KIF24: variants seen among roughly 807,000 people sequenced by gnomAD.
KIF24 encodes kinesin family member 24.
A neutral mutation model predicts 118.9 loss-of-function variants in KIF24; 81 were observed. That is an observed-to-expected ratio of 0.68 (90% CI 0.57 to 0.82). The LOEUF (loss-of-function observed/expected upper bound fraction) is 0.82. Among genes scored for constraint, KIF24 ranks in the 40% least tolerant of loss-of-function variants. The pLI is 0.00. For synonymous variants in KIF24, 599 were observed against 610.0 expected (o/e 0.98, Z 0.27); for missense variants, 1,560 against 1,661.6 (o/e 0.94, Z 1.06).
intron 1 of KIF24, among the ~76,000 whole-genome samples, chr9:34,322,120 C>T (rs536449772): frequency 8.7e-4 from 133 of 152,182 alleles, no homozygotes; most frequent in African/African-American, 3.0e-3. Flanking sequence ...CCAGTTCCTG[C>T]TTTTCCTGAA....
chr9:34,316,894 A>G (rs959404916), intron 1 of KIF24, among the ~76,000 whole-genome samples: 3 of 147,980 alleles, frequency 2.0e-5, no homozygotes, highest in Non-Finnish European at 3.0e-5. Context: ...GCCTGGTGAA[A>G]CCCCCCGTCT....
intron 3 of KIF24, 21 bp downstream of exon 3, chr9:34,306,231 C>T (rs769114575): frequency 5.9e-6 from 9 of 1,522,852 alleles, no homozygotes; most frequent in Non-Finnish European, 8.0e-6. Flanking sequence ...TAGTTCCAAA[C>T]ATAAAACGAA....
chr9:34,271,172 C>T (rs112700494), intron 7 of KIF24, among the ~76,000 whole-genome samples: 1 of 151,856 alleles, frequency 6.6e-6, no homozygotes, highest in South Asian at 2.1e-4. Context: ...TGGTACTGTC[C>T]ACTCAAACAT....
chr9:34,325,494 A>G (rs1837645967), intron 1 of KIF24, among the ~76,000 whole-genome samples: 1 of 152,052 alleles, frequency 6.6e-6, no homozygotes, highest in Non-Finnish European at 1.5e-5. Context: ...AAAGTTCGAG[A>G]CCAGCCTGGT....
intron 3 of KIF24, among the ~76,000 whole-genome samples, chr9:34,302,083 C>A (rs1178927990): frequency 1.3e-5 from 2 of 150,046 alleles, no homozygotes; most frequent in African/African-American, 2.5e-5. Flanking sequence ...CAAGCTCTGC[C>A]TCCTGGGTTC....
At chr9:34,300,863 A>G (rs1258182696) in intron 3 of KIF24, among the ~76,000 whole-genome samples, 17 of 151,208 alleles carry the variant, frequency 1.1e-4, no homozygotes, top group Admixed American at 1.3e-4. Flanking sequence ...AAAAAAAAAA[A>G]AAAAAAAAAA....
chr9:34,296,924 A>G (rs1260089895), intron 4 of KIF24, 93 bp downstream of exon 4: 1 of 602,924 alleles, frequency 1.7e-6, no homozygotes, highest in Non-Finnish European at 2.9e-6. Context: ...TTTAAGTCAA[A>G]AGTACTGAAA....
chr9:34,254,245 G>A lies in KIF24; in HGVS notation c.*135C>T, dbSNP rs1834726348. On this transcript the variant is annotated 3_prime_UTR_variant, in exon 13 of 13. Transcript: ENST00000402558. ...ACCTATCTGAAGCCACGTGGGGCTGGGGTGACGCTAGCATAGGCAGGACCA... is the reference window on the plus strand; with the variant it reads ...ACCTATCTGAAGCCACGTGGGGCTGAGGTGACGCTAGCATAGGCAGGACCA... 2.0e-6 allele frequency: 2 copies of A among 979,676 alleles called. No individual in the cohort carries two copies. Among genetic ancestry groups the A allele is most frequent in the East Asian group, 2.9e-5 (1 of 34,704 alleles). 60.7% of individuals were successfully genotyped at this position (979,676 alleles called of 1,614,324 possible).
At chr9:34,283,064 A>T (rs1835910119) in intron 6 of KIF24, among the ~76,000 whole-genome samples, 1 of 151,162 alleles carries the variant, frequency 6.6e-6, no homozygotes, top group African/African-American at 2.4e-5. Flanking sequence ...AAAAAAAAAA[A>T]AAAAAAAAAA....
chr9:34,318,327 C>G lies in KIF24; in HGVS notation c.-25-6956G>C, dbSNP rs1837395466. 1 of 581,706 alleles carries G rather than the reference C, an allele frequency of 1.7e-6. No homozygotes were observed. Among genetic ancestry groups the G allele is most frequent in the African/African-American group, 1.9e-5 (1 of 53,468 alleles). The allele number at this position is 581,706 out of a possible 1,614,324, so 36.0% of individuals were successfully genotyped here. A position where few individuals can be genotyped will look rare whatever the true frequency, so the allele number is the denominator to read the frequency against. On this transcript the variant is annotated intron_variant, in intron 1 of 12. Transcript: ENST00000402558. The surrounding 1 kb of genome is among the most constrained non-coding windows in gnomAD (Gnocchi z 4.9). ...GCGAGACTCCCGTCTTGGAGCCAGC[C>G]CAGCCCAACCCAGCCCAACCCAGCT...
intron 5 of KIF24, among the ~76,000 whole-genome samples, chr9:34,288,321 G>T (rs1836126646): frequency 6.6e-6 from 1 of 151,850 alleles, no homozygotes; most frequent in Non-Finnish European, 1.5e-5. Context: ...GAGACCCTGT[G>T]TCTACAAAAA....
chr9:34,294,929 T>G (rs1836404749), intron 4 of KIF24, among the ~76,000 whole-genome samples: 1 of 152,146 alleles, frequency 6.6e-6, no homozygotes, highest in Non-Finnish European at 1.5e-5. Context: ...TACAGATATT[T>G]GTTACTCACG....
At chr9:34,271,687 ACTCTGTATC>A in intron 7 of KIF24, 113 bp downstream of exon 7, 1 of 1,005,848 alleles carries the variant, frequency 9.9e-7, no homozygotes, top group Non-Finnish European at 1.5e-6. Flanking sequence ...TAACAACTCT[ACTCTGTATC>A]CCTGCAATGA....
chr9:34,298,273 A>G (rs1260466104), intron 3 of KIF24, among the ~76,000 whole-genome samples: 1 of 152,160 alleles, frequency 6.6e-6, no homozygotes, highest in African/African-American at 2.4e-5. Flanking sequence ...GGCCGGGCGC[A>G]GTGGCTCCAC....
intron 1 of KIF24, chr9:34,319,344 G>T: frequency 3.4e-6 from 3 of 877,854 alleles, no homozygotes; most frequent in South Asian, 2.7e-5. Flanking sequence ...AAGTTCCCAT[G>T]ACCTGCAGAA....
intron 1 of KIF24, chr9:34,319,277 T>A: frequency 9.0e-7 from 1 of 1,117,280 alleles, no homozygotes; most frequent in East Asian, 2.3e-5. Context: ...CAGCTGAAGA[T>A]CTGGATGGGG....
intron 1 of KIF24, among the ~76,000 whole-genome samples, chr9:34,317,472 A>G (rs1837366777): frequency 6.6e-6 from 1 of 152,150 alleles, no homozygotes; most frequent in Non-Finnish European, 1.5e-5. Flanking sequence ...CTGTCCTCCA[A>G]TTTAGCTTTC....
intron 6 of KIF24, among the ~76,000 whole-genome samples, chr9:34,277,664 CT>C (rs1835706174): frequency 6.6e-6 from 1 of 152,126 alleles, no homozygotes; most frequent in Non-Finnish European, 1.5e-5. Context: ...ATGCCCTTTC[CT>C]GGTTAAATAT....
At position 34,311,795 on chromosome 9, in the gene KIF24, C is replaced by CACACAT. The variant is rs1563961713; in HGVS notation, c.-25-425_-25-424insATGTGT. On this transcript the variant is annotated intron_variant, in intron 1 of 12. Transcript: ENST00000402558. ...ATATATACACATATATATACACACA[C>CACACAT]ATATATATATACACATAGATACACA... is the stretch of plus-strand genomic sequence containing the variant. Among the ~76,000 whole-genome samples, 14 of 128,070 alleles carry CACACAT rather than the reference C, an allele frequency of 1.1e-4. No homozygotes were observed. In the South Asian group the frequency reaches 2.6e-3, roughly 23 times the overall value. The allele number at this position is 128,070 out of a possible 152,430, so 84.0% of individuals were successfully genotyped here. A position where few individuals can be genotyped will look rare whatever the true frequency, so the allele number is the denominator to read the frequency against.
Sources: gnomAD v4.1 joint callset for allele counts (sites outside exome capture counted in the v4.1 genomes callset) on GRCh38, gnomAD v4.1.1 for gene constraint, Gnocchi (gnomAD v3.1) non-coding constraint, MANE v1.5 for transcripts, NCBI Gene and HGNC (gene_info 2026-07-23, HGNC 2026-07-21) for gene names.